The following INPP5D variants were observed in gnomAD, a reference collection of about 807,000 sequenced individuals.
INPP5D encodes the protein inositol polyphosphate-5-phosphatase D, also known as phosphatidylinositol 3,4,5-trisphosphate 5-phosphatase 1.
Under a neutral mutation model 122.9 loss-of-function variants are expected in INPP5D, and 33 were observed. The ratio of observed to expected loss-of-function variants is 0.27; its 90% CI spans 0.20 to 0.36. The LOEUF (loss-of-function observed/expected upper bound fraction) is 0.36. Ranked by LOEUF, INPP5D falls within the 10% of genes least tolerant of loss-of-function variation. The pLI, the probability that INPP5D is intolerant of heterozygous loss-of-function variation, is 1.00. For missense variants in INPP5D, 1,053 were observed against 1,412.7 expected (o/e 0.75, Z 4.08); for synonymous variants, 584 against 576.2 (o/e 1.01, Z -0.19).
In INPP5D at chr2:233,128,027, G is replaced by A. The variant is rs1214864255; in HGVS notation, c.524+2108G>A. On this transcript the variant is annotated intron_variant, in intron 4 of 26. Transcript: ENST00000445964. The surrounding 1 kb of genome is among the most constrained non-coding windows in gnomAD (Gnocchi z 4.5). The stretch of plus-strand genomic sequence containing the variant: ...ATTTTAATACAGGGGTCCCCAACCT[G>A]TGGACTATTAGGAACTGGGTGGCAG... 1.3e-5 allele frequency among the ~76,000 whole-genome samples: 2 copies of A among 152,232 alleles called. No homozygotes were observed. Among genetic ancestry groups the A allele is most frequent in the African/African-American group, 2.4e-5 (1 of 41,460 alleles).
chr2:233,095,189 G>A (rs576400455), intron 2 of INPP5D, among the ~76,000 whole-genome samples: 80 of 152,324 alleles, frequency 5.3e-4, no homozygotes, highest in African/African-American at 1.9e-3. Flanking sequence ...GTTGCAGGGT[G>A]ATATTGTTGT....
At chr2:233,156,279 C>A (rs1243533200) in intron 9 of INPP5D, among the ~76,000 whole-genome samples, 1 of 152,114 alleles carries the variant, frequency 6.6e-6, no homozygotes, top group Admixed American at 6.5e-5. Flanking sequence ...AGCCAGAGTG[C>A]CAGGTTCACA....
At chr2:233,121,994 C>T in intron 2 of INPP5D, 113 bp from the exon 3 acceptor site, 1 of 1,253,782 alleles carries the variant, frequency 8.0e-7, no homozygotes, top group Non-Finnish European at 1.1e-6. Flanking sequence ...AAGGCTTTTC[C>T]TGGATCGCAG....
chr2:233,132,334 C>T (rs531962074), intron 5 of INPP5D, among the ~76,000 whole-genome samples: 7 of 152,204 alleles, frequency 4.6e-5, no homozygotes, highest in Non-Finnish European at 1.0e-4. Context: ...TGTTAGATTT[C>T]CCTAACACCT....
rs34202139 is a variant in INPP5D at position 233,110,051 on chromosome 2, ATT to A, written c.199-12039_199-12038del. 6.9e-3 allele frequency among the ~76,000 whole-genome samples: 946 copies of A among 136,506 alleles called. 5 individuals are homozygous for A. Among genetic ancestry groups the A allele is most frequent in the African/African-American group, 0.015 (543 of 36,412 alleles). 89.6% of individuals were successfully genotyped at this position (136,506 alleles called of 152,430 possible). A position where few individuals can be genotyped will look rare whatever the true frequency, so the allele number is the denominator to read the frequency against. ...AGGCATGTGCCACCATGCTCAGCTAATTTTTTTTTTTTTTTTTTGAGATAGAG... is the reference window on the plus strand; with the variant it reads ...AGGCATGTGCCACCATGCTCAGCTAATTTTTTTTTTTTTTTTGAGATAGAG... On this transcript the variant is annotated intron_variant, in intron 2 of 26. Transcript: ENST00000445964.
At chr2:233,071,983 C>G (rs1691394207) in intron 1 of INPP5D, among the ~76,000 whole-genome samples, 1 of 152,166 alleles carries the variant, frequency 6.6e-6, no homozygotes, top group Non-Finnish European at 1.5e-5. Flanking sequence ...TTTCCAAATA[C>G]TTATGACACT....
chr2:233,170,686 G>C lies in INPP5D; in HGVS notation c.1900+82G>C. ...TAGGAGGCCGAGGCGGGCGGATCAC[G>C]AGATCAGGAGATGGAGACCATCCTG... On this transcript the variant is annotated intron_variant, in intron 16 of 26. Coordinates refer to ENST00000445964, the MANE Select transcript of INPP5D (RefSeq NM_001017915.3). This position sits in a 1 kb window ranked among gnomAD's most constrained non-coding sequence, Gnocchi z 4.5. The C allele has an allele frequency of 6.5e-7, 1 of 1,529,080 alleles. No individual in the cohort carries two copies. Among genetic ancestry groups the C allele is most frequent in the South Asian group, 1.2e-5 (1 of 86,196 alleles). The allele number at this position is 1,529,080 out of a possible 1,614,324, so 94.7% of individuals were successfully genotyped here.
intron 10 of INPP5D, 146 bp from the exon 11 acceptor site, chr2:233,161,578 G>T: frequency 8.6e-7 from 1 of 1,166,088 alleles, no homozygotes; most frequent in Non-Finnish European, 1.2e-6. Flanking sequence ...TTATGACTTT[G>T]GACACATGTT....
chr2:233,150,927 T>A (rs959330395), intron 9 of INPP5D, among the ~76,000 whole-genome samples: 1 of 152,006 alleles, frequency 6.6e-6, no homozygotes, highest in African/African-American at 2.4e-5. Flanking sequence ...ACTGAGAGAA[T>A]GGGGTGTGCA....
At chr2:233,157,880 T>G (rs1420295888) in intron 9 of INPP5D, among the ~76,000 whole-genome samples, 1 of 90,784 alleles carries the variant, frequency 1.1e-5, no homozygotes, top group Non-Finnish European at 2.0e-5. Flanking sequence ...AAAAACCTTA[T>G]AGAACAACTT....
At position 233,188,665 on chromosome 2, in the gene INPP5D, G is replaced by A. The variant is rs1008937895; in HGVS notation, c.2359-1185G>A. ...CAACCTCCGCCTCCAAGGTTCAAGC[G>A]ATTTGCCTGTCTCAGCCTCCCGAGT... On this transcript the variant is annotated intron_variant, in intron 21 of 26. Transcript: ENST00000445964. The surrounding 1 kb of genome is among the most constrained non-coding windows in gnomAD (Gnocchi z 4.7). Among the ~76,000 whole-genome samples, 6 of 152,278 alleles carry A rather than the reference G, an allele frequency of 3.9e-5. No individual in the cohort carries two copies. The highest frequency in any genetic ancestry group is 6.8e-3 in the Middle Eastern group (2 of 294).
rs867334713 is a variant in INPP5D at position 233,147,392 on chromosome 2, G to A, written c.907-79G>A. ...ACACCAGAGGTTGCCCAGCCATGTA[G>A]ACAAGGGGTTCGGGCGGGGGAAGCC... On this transcript the variant is annotated intron_variant, in intron 8 of 26. Transcript: ENST00000445964. 1.7e-5 allele frequency: 12 copies of A among 688,838 alleles called. 1 individual carries two copies. In the Middle Eastern group the frequency reaches 2.8e-3, roughly 162 times the overall value. 42.7% of individuals were successfully genotyped at this position (688,838 alleles called of 1,614,324 possible).
At chr2:233,182,894 A>G (rs1332020471) in intron 19 of INPP5D, among the ~76,000 whole-genome samples, 3 of 152,116 alleles carry the variant, frequency 2.0e-5, no homozygotes, top group African/African-American at 7.2e-5. Flanking sequence ...TAAGGCAAGC[A>G]CCATTACTTT....
In INPP5D at chr2:233,122,098, T is replaced by G. The variant is rs1328739526; in HGVS notation, c.199-9T>G. On this transcript the variant is annotated splice_polypyrimidine_tract_variant and intron_variant, in intron 2 of 26. Coordinates refer to ENST00000445964, the MANE Select transcript of INPP5D (RefSeq NM_001017915.3). ...AACATGTGCGTTTGTTTGGATGTTCTGTCCTCAGGCATCCGAAGGCGTCTC... is the reference window on the plus strand; with the variant it reads ...AACATGTGCGTTTGTTTGGATGTTCGGTCCTCAGGCATCCGAAGGCGTCTC... 3 of 1,613,596 alleles carry G rather than the reference T, an allele frequency of 1.9e-6. No homozygotes were observed. The African/African-American group carries it at 4.0e-5, about 22-fold the overall frequency.
intron 2 of INPP5D, among the ~76,000 whole-genome samples, chr2:233,110,743 G>A (rs1692600705): frequency 6.6e-6 from 1 of 152,110 alleles, no homozygotes; most frequent in Admixed American, 6.5e-5. Context: ...CCAACATGTA[G>A]TGAAACTGCA....
At chr2:233,149,831 A>T (rs1380158335) in intron 9 of INPP5D, among the ~76,000 whole-genome samples, 1 of 152,088 alleles carries the variant, frequency 6.6e-6, no homozygotes, top group Admixed American at 6.6e-5. Context: ...CATGAGTCTT[A>T]TGTGGGTGAA....
chr2:233,117,360 G>A (rs537033625), intron 2 of INPP5D, among the ~76,000 whole-genome samples: 120 of 152,216 alleles, frequency 7.9e-4, no homozygotes, highest in African/African-American at 2.6e-3. Flanking sequence ...TGGCCTTCAC[G>A]TGCTGAGCAT....
At chr2:233,202,903 A>G (rs113910473) in intron 25 of INPP5D, among the ~76,000 whole-genome samples, 1,729 of 152,290 alleles carry the variant, frequency 0.011, 24 homozygotes, top group African/African-American at 0.039. Context: ...CCTTTCTTCT[A>G]GCTACTGGCC....
chr2:233,117,470 C>T (rs945336810), intron 2 of INPP5D, among the ~76,000 whole-genome samples: 12 of 152,106 alleles, frequency 7.9e-5, no homozygotes, highest in African/African-American at 1.9e-4. Context: ...AGTTTTTTGG[C>T]GGGGGAGGGG....
Sources: allele counts gnomAD v4.1 joint callset (sites outside exome capture counted in the v4.1 genomes callset), GRCh38; gene constraint gnomAD v4.1.1; non-coding constraint Gnocchi (gnomAD v3.1); transcripts MANE v1.5; gene names NCBI Gene and HGNC (gene_info 2026-07-23, HGNC 2026-07-21).